Variants in MAPRE2 observed in about 807,000 individuals in gnomAD.
MAPRE2 encodes the protein microtubule-associated protein RP/EB family member 2.
Under a neutral mutation model 43.2 loss-of-function variants are expected in MAPRE2, and 13 were observed. The ratio of observed to expected loss-of-function variants is 0.30; its 90% CI spans 0.20 to 0.48. MAPRE2 has a LOEUF of 0.48. Among genes scored for constraint, MAPRE2 ranks in the 20% least tolerant of loss-of-function variants. MAPRE2 has a pLI of 0.99. For synonymous variants in MAPRE2, 135 were observed against 148.8 expected (o/e 0.91, Z 0.68); for missense variants, 161 against 400.2 (o/e 0.40, Z 5.10).
intron 1 of MAPRE2, among the ~76,000 whole-genome samples, chr18:34,980,031 C>CTTTTT (rs796434537): frequency 8.0e-4 from 37 of 46,122 alleles, no homozygotes; most frequent in African/African-American, 1.3e-3. Flanking sequence ...TTCTTTTTTT[C>CTTTTT]TTTTTTTTTT....
At chr18:35,072,365 A>G (rs1360892645) in intron 2 of MAPRE2, among the ~76,000 whole-genome samples, 4 of 152,220 alleles carry the variant, frequency 2.6e-5, no homozygotes, top group African/African-American at 9.6e-5. Context: ...AAAAATGTGT[A>G]TCTTACCCAC....
intron 2 of MAPRE2, among the ~76,000 whole-genome samples, 192 bp from the exon 3 acceptor site, chr18:35,097,254 T>C (rs1908470945): frequency 6.6e-6 from 1 of 152,190 alleles, no homozygotes; most frequent in Non-Finnish European, 1.5e-5. Context: ...TGCTGTATTG[T>C]TGAGGTACAG....
intron 1 of MAPRE2, among the ~76,000 whole-genome samples, chr18:34,990,993 TCAGC>T (rs2097023481): frequency 6.6e-6 from 1 of 152,178 alleles, no homozygotes; most frequent in South Asian, 2.1e-4. Context: ...GGGGGGAGGA[TCAGC>T]TCCTGAGCCT....
intron 1 of MAPRE2, among the ~76,000 whole-genome samples, chr18:35,053,791 G>A (rs1181445536): frequency 6.6e-6 from 1 of 151,992 alleles, no homozygotes; most frequent in Non-Finnish European, 1.5e-5. Context: ...ACTTGAGAGG[G>A]GAAGGTAGAA....
At chr18:35,070,078 C>A in intron 1 of MAPRE2, 117 bp from the exon 2 acceptor site, 1 of 689,548 alleles carries the variant, frequency 1.5e-6, no homozygotes, top group Non-Finnish European at 2.3e-6. Context: ...AAGGGCTTAG[C>A]CAGAGCAGGA....
chr18:35,082,758 T>G (rs1191644537), intron 2 of MAPRE2, among the ~76,000 whole-genome samples: 1 of 152,176 alleles, frequency 6.6e-6, no homozygotes, highest in Non-Finnish European at 1.5e-5. Flanking sequence ...GGCTTGATTT[T>G]ATGTGTTTGA....
intron 2 of MAPRE2, among the ~76,000 whole-genome samples, chr18:35,073,511 A>G (rs1462382451): frequency 6.6e-6 from 1 of 152,168 alleles, no homozygotes; most frequent in Non-Finnish European, 1.5e-5. Context: ...TTTTAGCAGT[A>G]TGCCCAGGAA....
chr18:35,030,109 C>T (rs2097047113), intron 2 of MAPRE2, among the ~76,000 whole-genome samples: 1 of 152,116 alleles, frequency 6.6e-6, no homozygotes, highest in Non-Finnish European at 1.5e-5. Flanking sequence ...AACACCAAAT[C>T]CTAGCATTTC....
At chr18:35,125,722 G>T (rs1397953191) in intron 4 of MAPRE2, among the ~76,000 whole-genome samples, 1 of 152,218 alleles carries the variant, frequency 6.6e-6, no homozygotes. Flanking sequence ...CATCTATTTT[G>T]GCCGCAGAGG....
At chr18:34,985,565 A>C (rs1160380840) in intron 1 of MAPRE2, among the ~76,000 whole-genome samples, 1 of 77,786 alleles carries the variant, frequency 1.3e-5, no homozygotes, top group East Asian at 3.4e-4. Context: ...TATATTATAA[A>C]TATAATATAT....
intron 2 of MAPRE2, 145 bp from the exon 3 acceptor site, chr18:35,097,301 A>T: frequency 1.5e-6 from 1 of 679,904 alleles, no homozygotes. Context: ...GTGGACAAGG[A>T]GATATAAGCG....
At chr18:35,004,251 G>A (rs188450055) in intron 1 of MAPRE2, among the ~76,000 whole-genome samples, 52 of 151,864 alleles carry the variant, frequency 3.4e-4, no homozygotes, top group African/African-American at 1.5e-4. Context: ...CCTGTGTCTC[G>A]GAATAATCAC....
intron 2 of MAPRE2, among the ~76,000 whole-genome samples, chr18:35,006,104 T>A (rs2097031745): frequency 6.6e-6 from 1 of 152,160 alleles, no homozygotes; most frequent in South Asian, 2.1e-4. Context: ...TAAGTCTCTG[T>A]AAGTAATGTC....
intron 2 of MAPRE2, among the ~76,000 whole-genome samples, chr18:35,071,335 T>C (rs1380539448): frequency 1.3e-5 from 2 of 152,148 alleles, no homozygotes; most frequent in African/African-American, 4.8e-5. Context: ...GAGCTATGAT[T>C]GTACCACTGC....
chr18:34,986,534 T>C (rs1370388786), intron 1 of MAPRE2, among the ~76,000 whole-genome samples: 2 of 152,148 alleles, frequency 1.3e-5, no homozygotes, highest in East Asian at 1.9e-4. Flanking sequence ...ACTTCCAGCT[T>C]GCCCTCTATT....
At chr18:35,047,050 G>A (rs522791) in intron 1 of MAPRE2, among the ~76,000 whole-genome samples, 86,493 of 151,946 alleles carry the variant, frequency 0.57, 24,834 homozygotes, top group Middle Eastern at 0.65. Context: ...AACTGCTCAG[G>A]ACACTCCCTG....
chr18:35,060,003 A>G (rs1906438567), intron 1 of MAPRE2, among the ~76,000 whole-genome samples: 1 of 152,150 alleles, frequency 6.6e-6, no homozygotes, highest in Non-Finnish European at 1.5e-5. Context: ...GCCTAGTGGC[A>G]GCATGATTGT....
intron 2 of MAPRE2, among the ~76,000 whole-genome samples, chr18:35,022,694 C>T (rs2097042693): frequency 6.6e-6 from 1 of 152,040 alleles, no homozygotes. Flanking sequence ...AGCTTAGAAG[C>T]AATCTGTGTC....
rs370839681 is a variant in MAPRE2, at chr18:35,014,419, G to A, written c.-8+8866G>A. Among the ~76,000 whole-genome samples the A allele has an allele frequency of 2.0e-4, 30 of 149,398 alleles. 1 individual carries two copies. The highest frequency in any genetic ancestry group is 5.4e-4 in the Admixed American group (8 of 14,932). On this transcript the variant is annotated intron_variant, in intron 2 of 7. Coordinates refer to the MAPRE2 transcript ENST00000413393. ...TTTTTTTTTGGTCCCAGCAGGTCTC[G>A]GCAGTCTATATAAGGCATATATACC...
Sources: gnomAD v4.1 joint callset for allele counts (sites outside exome capture counted in the v4.1 genomes callset) on GRCh38, gnomAD v4.1.1 for gene constraint, MANE v1.5 for transcripts, NCBI Gene and HGNC (gene_info 2026-07-23, HGNC 2026-07-21) for gene names.